Variants in FAM13A observed in about 807,000 individuals in gnomAD.
The protein encoded by FAM13A is protein FAM13A.
FAM13A carries 76 observed loss-of-function variants against 129.6 expected under a neutral mutation model. The observed-to-expected ratio is 0.59, with a 90% CI of 0.49 to 0.71. The LOEUF is 0.71. Among genes scored for constraint, FAM13A ranks in the 30% least tolerant of loss-of-function variants. FAM13A has a pLI of 0.00. For synonymous variants in FAM13A, 443 were observed against 449.9 expected (o/e 0.98, Z 0.20); for missense variants, 1,108 against 1,249.3 (o/e 0.89, Z 1.70).
chr4:89,029,903 C>G (rs1768466266), intron 1 of FAM13A: 1 of 452,202 alleles, frequency 2.2e-6, no homozygotes, highest in Admixed American at 4.6e-5. Context: ...AATACACTGC[C>G]GTATCTAAGA....
intron 4 of FAM13A, among the ~76,000 whole-genome samples, chr4:88,965,282 A>G (rs543839970): frequency 6.6e-6 from 1 of 152,312 alleles, no homozygotes; most frequent in Admixed American, 6.5e-5. Flanking sequence ...AGGTGATCCA[A>G]AGTAGACTCT....
In FAM13A at chr4:89,020,642, A is replaced by T. The variant is rs1023089021; in HGVS notation, c.245T>A (p.Val82Glu). 12 of 1,613,878 alleles carry T rather than the reference A, an allele frequency of 7.4e-6. No homozygotes were observed. The highest frequency in any genetic ancestry group is 1.0e-5 in the Non-Finnish European group (12 of 1,179,988). The change falls in exon 3 of 24, where the codon GTG becomes GAG. Residue 82 changes from valine (V) to glutamate (E), a missense_variant. Physicochemically the swap from Val to Glu is moderately radical, Grantham distance 121. Coordinates refer to ENST00000264344, the MANE Select transcript of FAM13A (RefSeq NM_014883.4). ...HGLTQEGLFRVNGNVKVVEQL... is the reference protein window; with the variant it reads ...HGLTQEGLFRENGNVKVVEQL... ...TTCCACCACCTTCACGTTACCATTCACCCTAAAAAGACCTTCTTGGGTAAG... is the reference window on the plus strand; with the variant it reads ...TTCCACCACCTTCACGTTACCATTCTCCCTAAAAAGACCTTCTTGGGTAAG...
At chr4:88,829,568 G>T (rs1266794223) in intron 7 of FAM13A, among the ~76,000 whole-genome samples, 1 of 152,324 alleles carries the variant, frequency 6.6e-6, no homozygotes, top group African/African-American at 2.4e-5. Flanking sequence ...ATGAAGCCAA[G>T]ATTTTTAGTG....
chr4:88,799,590 T>C (rs976320399), intron 8 of FAM13A, among the ~76,000 whole-genome samples: 2 of 152,172 alleles, frequency 1.3e-5, no homozygotes, highest in African/African-American at 4.8e-5. Flanking sequence ...GTTCAGGGGA[T>C]TCCCCTGTCT....
intron 7 of FAM13A, among the ~76,000 whole-genome samples, chr4:88,825,496 C>T (rs932867074): frequency 6.6e-6 from 1 of 152,136 alleles, no homozygotes; most frequent in Non-Finnish European, 1.5e-5. Flanking sequence ...AGATTACAGG[C>T]GGAGCCACTA....
At chr4:88,748,183 C>A (rs1435111148) in intron 17 of FAM13A, among the ~76,000 whole-genome samples, 1 of 152,204 alleles carries the variant, frequency 6.6e-6, no homozygotes, top group African/African-American at 2.4e-5. Flanking sequence ...TGAGCCACTG[C>A]GCCCGGCCTG....
intron 4 of FAM13A, among the ~76,000 whole-genome samples, chr4:88,984,497 T>A (rs539432703): frequency 6.6e-6 from 1 of 152,090 alleles, no homozygotes; most frequent in South Asian, 2.1e-4. Context: ...AATAAACATT[T>A]CTCCAAAAAT....
intron 3 of FAM13A, among the ~76,000 whole-genome samples, chr4:88,995,848 T>G (rs1272446221): frequency 6.6e-6 from 1 of 152,142 alleles, no homozygotes; most frequent in South Asian, 2.1e-4. Flanking sequence ...CATATTCTAA[T>G]CGAGGGGAAG....
chr4:88,747,021 T>C lies in FAM13A; in HGVS notation c.2383-6A>G, dbSNP rs534849254. On this transcript the variant is annotated splice_polypyrimidine_tract_variant and splice_region_variant and intron_variant, in intron 18 of 23. Transcript: ENST00000264344. ...ATCTGGTCTTTGGTCATATCCTGTA[T>C]AAACACAGGGATAGAGAATTGAAAG... The C allele has an allele frequency of 3.8e-6, 6 of 1,579,672 alleles. No individual in the cohort carries two copies. In the South Asian group the frequency reaches 5.5e-5, roughly 15 times the overall value.
At chr4:88,977,423 ATCACCCT>A (rs954586397) in intron 4 of FAM13A, among the ~76,000 whole-genome samples, 1 of 152,204 alleles carries the variant, frequency 6.6e-6, no homozygotes, top group Non-Finnish European at 1.5e-5. Flanking sequence ...AAAACTCTGC[ATCACCCT>A]GGTGAGGTAA....
In FAM13A at chr4:89,017,033, T is replaced by G. The variant is rs1766589626; in HGVS notation, c.427+3427A>C. Among the ~76,000 whole-genome samples, 4 of 152,348 alleles carry G rather than the reference T, an allele frequency of 2.6e-5. No homozygotes were observed. In the South Asian group the frequency reaches 8.3e-4, roughly 32 times the overall value. On this transcript the variant is annotated intron_variant, in intron 3 of 23. Transcript: ENST00000264344. ...TCAGTACAGTAACATGCTGTATAGGTTTGTTGCCTAAAAGCAACAGGCTAT... is the reference window on the plus strand; with the variant it reads ...TCAGTACAGTAACATGCTGTATAGGGTTGTTGCCTAAAAGCAACAGGCTAT...
rs992583983 is a variant in FAM13A, at chr4:89,050,714, G to A, written c.27+6224C>T. Among the ~76,000 whole-genome samples the A allele has an allele frequency of 9.2e-5, 14 of 151,956 alleles. No homozygotes were observed. In the East Asian group the frequency reaches 2.7e-3, roughly 30 times the overall value. On this transcript the variant is annotated intron_variant, in intron 1 of 23. Coordinates refer to ENST00000264344, the MANE Select transcript of FAM13A (RefSeq NM_014883.4). ...AGGCCAAGGCGGGTGGATCACCTGAGGTCAGGAGTTCAAGACTAGCCTGGC... is the reference window on the plus strand; with the variant it reads ...AGGCCAAGGCGGGTGGATCACCTGAAGTCAGGAGTTCAAGACTAGCCTGGC...
At chr4:89,040,609 C>G (rs1308677567) in intron 1 of FAM13A, among the ~76,000 whole-genome samples, 2 of 152,180 alleles carry the variant, frequency 1.3e-5, no homozygotes, top group Non-Finnish European at 2.9e-5. Flanking sequence ...GAGTTTGAAT[C>G]TTGGTTTTGC....
At chr4:88,828,133 G>GT (rs536882347) in intron 7 of FAM13A, among the ~76,000 whole-genome samples, 36 of 152,140 alleles carry the variant, frequency 2.4e-4, no homozygotes, top group African/African-American at 7.5e-4. Flanking sequence ...TGAAAGAAAT[G>GT]TTTTTTTGTT....
intron 19 of FAM13A, among the ~76,000 whole-genome samples, chr4:88,745,010 GATTTAATC>G (rs1486684789): frequency 6.6e-6 from 1 of 152,194 alleles, no homozygotes; most frequent in African/African-American, 2.4e-5. Flanking sequence ...TCTTTCGCCT[GATTTAATC>G]ATTTAATCAG....
chr4:88,735,226 G>A (rs1738738262), intron 21 of FAM13A, among the ~76,000 whole-genome samples: 1 of 152,140 alleles, frequency 6.6e-6, no homozygotes, highest in South Asian at 2.1e-4. Context: ...CTATGGGATA[G>A]AATGTAATAA....
chr4:88,728,745 G>C, intron 23 of FAM13A, 86 bp from the exon 24 acceptor site: 6 of 1,509,204 alleles, frequency 4.0e-6, no homozygotes, highest in South Asian at 1.2e-5. Context: ...TCATTGTTTA[G>C]AAACTTTGCA....
At chr4:88,797,090 C>T (rs1416523452) in intron 8 of FAM13A, among the ~76,000 whole-genome samples, 2 of 152,160 alleles carry the variant, frequency 1.3e-5, no homozygotes, top group East Asian at 3.9e-4. Flanking sequence ...TGCCTTTCCA[C>T]CAATGCTTAT....
chr4:88,862,025 T>C (rs1043169581), intron 6 of FAM13A, among the ~76,000 whole-genome samples: 1 of 152,188 alleles, frequency 6.6e-6, no homozygotes, highest in African/African-American at 2.4e-5. Context: ...TTTAAAAACA[T>C]TCAATAGCAA....
Sources: allele counts gnomAD v4.1 joint callset (sites outside exome capture counted in the v4.1 genomes callset), GRCh38; gene constraint gnomAD v4.1.1; transcripts MANE v1.5; gene names NCBI Gene and HGNC (gene_info 2026-07-23, HGNC 2026-07-21).